The following WDR70 variants were observed in gnomAD, a reference collection of about 807,000 sequenced individuals.
WDR70 encodes the protein WD repeat domain 70.
Under a neutral mutation model 88.6 loss-of-function variants are expected in WDR70, and 53 were observed. That is an observed-to-expected ratio of 0.60 (90% CI 0.48 to 0.75). The LOEUF (loss-of-function observed/expected upper bound fraction) is 0.75. Ranked by LOEUF, WDR70 falls within the 30% of genes least tolerant of loss-of-function variation. The probability of loss-of-function intolerance (pLI) is 0.00; values close to 1 mark genes in which losing one functional copy is unlikely to be tolerated. For missense variants in WDR70, 610 were observed against 823.2 expected (o/e 0.74, Z 3.17); for synonymous variants, 280 against 270.0 (o/e 1.04, Z -0.36).
intron 5 of WDR70, among the ~76,000 whole-genome samples, chr5:37,427,729 A>T (rs1241594901): frequency 6.6e-6 from 1 of 152,004 alleles, no homozygotes; most frequent in Non-Finnish European, 1.5e-5. Context: ...TCTGCTAAAA[A>T]TACAAAAAAT....
intron 10 of WDR70, among the ~76,000 whole-genome samples, chr5:37,672,647 T>C (rs1358156666): frequency 1.3e-5 from 2 of 152,062 alleles, no homozygotes; most frequent in African/African-American, 4.8e-5. Context: ...GCTGACCTTC[T>C]CCCCACTCTT....
chr5:37,510,618 T>C (rs568072873), intron 8 of WDR70, among the ~76,000 whole-genome samples: 11 of 152,194 alleles, frequency 7.2e-5, no homozygotes, highest in Non-Finnish European at 1.5e-4. Flanking sequence ...GAATTTAACA[T>C]TGATAACGTA....
chr5:37,413,832 A>G lies in WDR70; in HGVS notation c.492+17262A>G, dbSNP rs924442199. Among the ~76,000 whole-genome samples the G allele has an allele frequency of 3.3e-5, 5 of 151,744 alleles. No homozygotes were observed. In the South Asian group the frequency reaches 1.0e-3, roughly 32 times the overall value. On this transcript the variant is annotated intron_variant, in intron 5 of 17. Transcript: ENST00000265107. ...GGTTTATTTCTGTGATCATTAGTCT[A>G]ATCCAAACTTTTGAAAATATATATC...
intron 10 of WDR70, among the ~76,000 whole-genome samples, chr5:37,618,180 A>G (rs903687224): frequency 2.0e-5 from 3 of 152,214 alleles, no homozygotes; most frequent in Non-Finnish European, 2.9e-5. Flanking sequence ...AAATATATCC[A>G]TAAGAGTTGC....
intron 9 of WDR70, among the ~76,000 whole-genome samples, chr5:37,592,467 A>G (rs1328268444): frequency 6.6e-6 from 1 of 152,184 alleles, no homozygotes; most frequent in Non-Finnish European, 1.5e-5. Flanking sequence ...AAAAAAAGTA[A>G]TGTGTTCAGG....
intron 8 of WDR70, among the ~76,000 whole-genome samples, chr5:37,508,291 T>G (rs1017194630): frequency 2.0e-5 from 3 of 152,162 alleles, no homozygotes; most frequent in Non-Finnish European, 2.9e-5. Flanking sequence ...AAAAAAGGAA[T>G]AGATACCAGA....
intron 9 of WDR70, among the ~76,000 whole-genome samples, chr5:37,558,135 G>T (rs1325935622): frequency 2.6e-5 from 4 of 151,842 alleles, no homozygotes; most frequent in Admixed American, 2.6e-4. Flanking sequence ...AATTTCATTT[G>T]TTTTTAGATG....
chr5:37,733,180 A>T (rs528796014), intron 17 of WDR70, among the ~76,000 whole-genome samples: 1 of 152,176 alleles, frequency 6.6e-6, no homozygotes, highest in South Asian at 2.1e-4. Context: ...AGGTTGCCTG[A>T]TGCCTTGGTT....
At chr5:37,677,260 T>G (rs1213929069) in intron 10 of WDR70, among the ~76,000 whole-genome samples, 1 of 152,046 alleles carries the variant, frequency 6.6e-6, no homozygotes, top group Non-Finnish European at 1.5e-5. Flanking sequence ...TTTTAGTTAT[T>G]TCTTGCCTTC....
At chr5:37,487,618 TATA>T (rs1739918455) in intron 8 of WDR70, among the ~76,000 whole-genome samples, 1 of 45,798 alleles carries the variant, frequency 2.2e-5, no homozygotes, top group African/African-American at 4.6e-5. Flanking sequence ...TATATATATA[TATA>T]TATGTATTTT....
chr5:37,547,259 G>A (rs1742026253), intron 9 of WDR70, among the ~76,000 whole-genome samples: 2 of 152,144 alleles, frequency 1.3e-5, no homozygotes, highest in Admixed American at 1.3e-4. Flanking sequence ...TTGCAGGGAT[G>A]GAAATAAAGG....
intron 7 of WDR70, among the ~76,000 whole-genome samples, chr5:37,456,108 G>A (rs1417875723): frequency 1.3e-5 from 2 of 151,946 alleles, no homozygotes; most frequent in African/African-American, 2.4e-5. Context: ...TATTTCCCTG[G>A]GTCAATACCT....
intron 5 of WDR70, among the ~76,000 whole-genome samples, chr5:37,419,111 A>G (rs2111985392): frequency 6.6e-6 from 1 of 151,384 alleles, no homozygotes; most frequent in South Asian, 2.1e-4. Flanking sequence ...AAAATCTTTC[A>G]CTTTCATTTC....
intron 9 of WDR70, among the ~76,000 whole-genome samples, chr5:37,541,976 G>A (rs768513914): frequency 6.6e-6 from 1 of 152,186 alleles, no homozygotes; most frequent in South Asian, 2.1e-4. Context: ...TAACATTACT[G>A]CTTGGGAGAA....
intron 3 of WDR70, 141 bp from the exon 4 acceptor site, chr5:37,391,859 G>T: frequency 1.2e-6 from 1 of 851,584 alleles, no homozygotes; most frequent in Admixed American, 3.4e-5. Context: ...CAGTGGCTGT[G>T]GTTGATAATT....
At chr5:37,581,894 T>TG (rs1699635635) in intron 9 of WDR70, among the ~76,000 whole-genome samples, 1 of 152,262 alleles carries the variant, frequency 6.6e-6, no homozygotes, top group Admixed American at 6.5e-5. Flanking sequence ...CTGCTGAATA[T>TG]TAGGGGGCAT....
In WDR70 at chr5:37,495,274, T is replaced by G. The variant is rs566898965; in HGVS notation, c.840+15287T>G. ...CAGTATATTCCCTACTATTTTCTGC[T>G]GCATTTCGTCTCTTCTTGGGGGTAG... is the stretch of plus-strand genomic sequence containing the variant. On this transcript the variant is annotated intron_variant, in intron 8 of 17. Coordinates refer to ENST00000265107, the MANE Select transcript of WDR70 (RefSeq NM_018034.4). 3.3e-5 allele frequency among the ~76,000 whole-genome samples: 5 copies of G among 152,270 alleles called. No individual in the cohort carries two copies. The East Asian group carries it at 9.6e-4, about 29-fold the overall frequency.
At chr5:37,715,290 G>A (rs541757480) in intron 13 of WDR70, among the ~76,000 whole-genome samples, 1 of 144,038 alleles carries the variant, frequency 6.9e-6, no homozygotes, top group South Asian at 2.3e-4. Context: ...TGGCCTATTA[G>A]AGAATTTTTC....
chr5:37,381,864 G>C, intron 3 of WDR70, 179 bp downstream of exon 3: 1 of 431,146 alleles, frequency 2.3e-6, no homozygotes, highest in East Asian at 5.6e-5. Flanking sequence ...GACCAGCCTG[G>C]CCAACATGGT....
Sources: gnomAD v4.1 joint callset for allele counts (sites outside exome capture counted in the v4.1 genomes callset) on GRCh38, gnomAD v4.1.1 for gene constraint, MANE v1.5 for transcripts, NCBI Gene and HGNC (gene_info 2026-07-23, HGNC 2026-07-21) for gene names.